The following CCZ1B variants were observed in gnomAD, a reference collection of about 807,000 sequenced individuals.
CCZ1B encodes vacuolar fusion protein CCZ1 homolog B.
Under a neutral mutation model 58.8 loss-of-function variants are expected in CCZ1B, and 25 were observed. The ratio of observed to expected loss-of-function variants is 0.43; its 90% CI spans 0.31 to 0.59. CCZ1B has a LOEUF of 0.59. Among genes scored for constraint, CCZ1B ranks in the 20% least tolerant of loss-of-function variants. The probability of loss-of-function intolerance (pLI) is 0.12; values close to 1 mark genes in which losing one functional copy is unlikely to be tolerated. For missense variants in CCZ1B, 180 were observed against 501.5 expected, an observed-to-expected ratio of 0.36 and a Z score of 6.12; for synonymous variants, 66 against 173.2, an observed-to-expected ratio of 0.38 and a Z score of 4.86.
intron 7 of CCZ1B, among the ~76,000 whole-genome samples, chr7:6,818,032 C>T (rs936052696): frequency 1.3e-5 from 2 of 149,012 alleles, no homozygotes; most frequent in East Asian, 1.9e-4. Context: ...AGATGGGTTT[C>T]ACCTGAAATT....
chr7:6,804,126 T>C (rs1268313157), intron 12 of CCZ1B, among the ~76,000 whole-genome samples: 5 of 150,740 alleles, frequency 3.3e-5, no homozygotes, highest in African/African-American at 1.2e-4. Flanking sequence ...TATTTTATAT[T>C]GAGAAAAGAT....
At chr7:6,823,247 A>C in intron 5 of CCZ1B, 66 bp downstream of exon 5, 15 of 1,585,784 alleles carry the variant, frequency 9.5e-6, no homozygotes, top group Non-Finnish European at 1.3e-5. Flanking sequence ...CTCTTTAAAC[A>C]ACCCTGGAGC....
At chr7:6,809,523 AG>A (rs1242380784) in intron 10 of CCZ1B, among the ~76,000 whole-genome samples, 1 of 144,536 alleles carries the variant, frequency 6.9e-6, no homozygotes, top group East Asian at 1.9e-4. Flanking sequence ...CATTCAAAGG[AG>A]GATGATTTTT....
chr7:6,825,298 C>T lies in CCZ1B; in HGVS notation c.121-561G>A, dbSNP rs537421599. ...TGCTGCCCAGGCTGTAGTGCAGTGG[C>T]GCTATTACAGCTCACCTGCAGCCTC... On this transcript the variant is annotated intron_variant, in intron 1 of 14. Transcript: ENST00000316731. Among the ~76,000 whole-genome samples the T allele has an allele frequency of 1.9e-3, 276 of 146,336 alleles. 6 individuals carry two copies. Among genetic ancestry groups the T allele is most frequent in the African/African-American group, 7.0e-3 (263 of 37,746 alleles).
At chr7:6,821,773 A>C (rs1332655464) in intron 6 of CCZ1B, among the ~76,000 whole-genome samples, 3 of 151,010 alleles carry the variant, frequency 2.0e-5, no homozygotes, top group African/African-American at 7.4e-5. Flanking sequence ...GAAACATGCA[A>C]AATTCAATTA....
At chr7:6,823,149 G>A (rs1380677260) in intron 5 of CCZ1B, among the ~76,000 whole-genome samples, 164 bp downstream of exon 5, 2 of 148,836 alleles carry the variant, frequency 1.3e-5, no homozygotes, top group Non-Finnish European at 3.0e-5. Context: ...AATAAATGTA[G>A]GCATAAACCT....
At chr7:6,814,497 A>T in intron 8 of CCZ1B, 1 of 343,112 alleles carries the variant, frequency 2.9e-6, no homozygotes, top group East Asian at 4.2e-5. Flanking sequence ...CTCCGTCTCA[A>T]AAACCAAACA....
chr7:6,819,123 G>GGAAAA (rs1554259335), intron 7 of CCZ1B, among the ~76,000 whole-genome samples: 2 of 65,658 alleles, frequency 3.0e-5, no homozygotes, highest in East Asian at 4.4e-4. Context: ...ATCTCTATAA[G>GGAAAA]AAAAAAAAAA....
rs543301884 is a variant in CCZ1B at position 6,822,175 on chromosome 7, C to G, written c.522+106G>C. On this transcript the variant is annotated intron_variant, in intron 6 of 14. Transcript: ENST00000316731. ...TCTGTCTCAGGCTCTTTGCCACTTT[C>G]AAGTTCTGGGTTTTTTGTAGATAAG... The G allele has an allele frequency of 1.8e-4, 262 of 1,490,228 alleles. 11 individuals carry two copies. In the South Asian group the frequency reaches 3.1e-3, roughly 18 times the overall value. The allele number at this position is 1,490,228 out of a possible 1,614,324, so 92.3% of individuals were successfully genotyped here. A position where few individuals can be genotyped will look rare whatever the true frequency, so the allele number is the denominator to read the frequency against.
intron 10 of CCZ1B, among the ~76,000 whole-genome samples, chr7:6,808,369 C>G (rs1224815288): frequency 1.1e-4 from 11 of 101,760 alleles, no homozygotes; most frequent in African/African-American, 3.6e-4. Flanking sequence ...GACTCCATCT[C>G]AAAAACCAAA....
chr7:6,817,644 G>C (rs1371812142), intron 7 of CCZ1B, among the ~76,000 whole-genome samples: 1 of 149,840 alleles, frequency 6.7e-6, no homozygotes, highest in African/African-American at 2.5e-5. Context: ...TAGTAACATT[G>C]TGTACATATC....
chr7:6,819,605 T>A (rs1445606384), intron 7 of CCZ1B, among the ~76,000 whole-genome samples, 161 bp downstream of exon 7: 1 of 147,488 alleles, frequency 6.8e-6, no homozygotes, highest in Non-Finnish European at 1.5e-5. Context: ...CTAGTTCTGC[T>A]TTAAATAATC....
chr7:6,818,622 A>AAGAAAGGAAGAC (rs1783051187), intron 7 of CCZ1B, among the ~76,000 whole-genome samples: 7 of 85,154 alleles, frequency 8.2e-5, no homozygotes, highest in African/African-American at 2.9e-4. Flanking sequence ...AAAGACAAGA[A>AAGAAAGGAAGAC]AGAAAGAAAG....
chr7:6,822,804 C>A (rs1315832597), intron 5 of CCZ1B, among the ~76,000 whole-genome samples: 1 of 142,078 alleles, frequency 7.0e-6, no homozygotes, highest in South Asian at 2.3e-4. Flanking sequence ...AAGGTGCGAG[C>A]GATCCTCCCA....
chr7:6,818,634 C>CAGAAAGA (rs1783051772), intron 7 of CCZ1B, among the ~76,000 whole-genome samples: 2 of 109,112 alleles, frequency 1.8e-5, no homozygotes, highest in African/African-American at 7.3e-5. Flanking sequence ...GAAAGAAAGA[C>CAGAAAGA]AAGAAAGAAA....
chr7:6,825,307 AG>A (rs1007622668), intron 1 of CCZ1B, among the ~76,000 whole-genome samples: 3 of 146,454 alleles, frequency 2.0e-5, no homozygotes, highest in Admixed American at 2.0e-4. Flanking sequence ...GCGCTATTAC[AG>A]CTCACCTGCA....
At chr7:6,821,816 C>T (rs1237190312) in intron 6 of CCZ1B, among the ~76,000 whole-genome samples, 1 of 150,426 alleles carries the variant, frequency 6.6e-6, no homozygotes, top group African/African-American at 2.5e-5. Context: ...GAACAAATCT[C>T]CCCAATCGCT....
rs1269728150 is a variant in CCZ1B, at chr7:6,814,274, CG to C, written c.780+489del. ...TTTGTGGACTGGGGGCAGTGGCTCA[CG>C]CCTGTAATCCTAGCACTTTGGGAGG... is the stretch of plus-strand genomic sequence containing the variant. On this transcript the variant is annotated intron_variant, in intron 8 of 14. Transcript: ENST00000316731. Among the ~76,000 whole-genome samples the C allele has an allele frequency of 1.1e-4, 16 of 149,646 alleles. 2 individuals are homozygous for C. Among genetic ancestry groups the C allele is most frequent in the African/African-American group, 3.8e-4 (15 of 39,600 alleles).
chr7:6,819,689 C>G lies in CCZ1B; in HGVS notation c.698+77G>C, dbSNP rs541754337. On this transcript the variant is annotated intron_variant, in intron 7 of 14. Coordinates refer to ENST00000316731, the MANE Select transcript of CCZ1B (RefSeq NM_198097.5). ...CCCGCTGCAAGTTCCTGTTTGACAA[C>G]CTGTCATCAATCCAGTCACTGCTGT... The G allele has an allele frequency of 6.5e-5, 53 of 814,190 alleles. 2 individuals are homozygous for G. In the African/African-American group the frequency reaches 9.5e-4, roughly 15 times the overall value. The allele number at this position is 814,190 out of a possible 1,614,324, so 50.4% of individuals were successfully genotyped here.
Sources: allele counts gnomAD v4.1 joint callset (sites outside exome capture counted in the v4.1 genomes callset), GRCh38; gene constraint gnomAD v4.1.1; transcripts MANE v1.5; gene names NCBI Gene and HGNC (gene_info 2026-07-23, HGNC 2026-07-21).